The following HOXC11 variants were observed in gnomAD, a reference collection of about 807,000 sequenced individuals.
HOXC11 encodes homeobox C11, also known as homeobox protein Hox-C11.
In HOXC11, 17 loss-of-function variants were observed where a neutral mutation model predicts 23.6. That is an observed-to-expected ratio of 0.72 (90% CI 0.49 to 1.08). The LOEUF (loss-of-function observed/expected upper bound fraction) is 1.08, where lower values mean the gene tolerates loss of function less well. Among genes scored for constraint, HOXC11 ranks in the 50% least tolerant of loss-of-function variants. HOXC11 has a pLI of 0.00. For synonymous variants in HOXC11, 196 were observed against 183.8 expected (o/e 1.07, Z -0.54); for missense variants, 413 against 412.1 (o/e 1.00, Z -0.02).
At chr12:53,974,941 C>T in intron 1 of HOXC11, 1 of 525,204 alleles carries the variant, frequency 1.9e-6, no homozygotes, top group Middle Eastern at 5.0e-4. Context: ...AGCCGCGGCT[C>T]TCGCCTGAGA....
rs1024935682 is a variant in HOXC11 at position 53,973,939 on chromosome 12, CG to C, written c.682+20del. On this transcript the variant is annotated intron_variant, in intron 1 of 1. Coordinates refer to ENST00000546378, the MANE Select transcript of HOXC11 (RefSeq NM_014212.4). This position sits in a 1 kb window ranked among gnomAD's most constrained non-coding sequence, Gnocchi z 4.3. Reference sequence around the variant, plus strand: ...GCCGCCCCCAGTAGGTAGCAGCGGCCGGGGAACGGGCGGGCAGCGAGGGAGG... The same window carrying C: ...GCCGCCCCCAGTAGGTAGCAGCGGCCGGGAACGGGCGGGCAGCGAGGGAGG... 12 of 1,425,848 alleles carry C rather than the reference CG, an allele frequency of 8.4e-6. No individual in the cohort carries two copies. Among genetic ancestry groups the C allele is most frequent in the Middle Eastern group, 2.2e-4 (1 of 4,450 alleles). 88.3% of individuals were successfully genotyped at this position (1,425,848 alleles called of 1,614,324 possible).
At position 53,976,283 on chromosome 12, in the gene HOXC11, T is replaced by C. The variant is rs754446647; in HGVS notation, c.*870T>C. 1 of 224,026 alleles carries C rather than the reference T, an allele frequency of 4.5e-6. No individual in the cohort carries two copies. Among genetic ancestry groups the C allele is most frequent in the Non-Finnish European group, 8.9e-6 (1 of 111,946 alleles). The allele number at this position is 224,026 out of a possible 1,614,324, so 13.9% of individuals were successfully genotyped here. On this transcript the variant is annotated 3_prime_UTR_variant, in exon 2 of 2. Transcript: ENST00000546378. ...GAGGGAAAGGGGGGGACGCCCCCAG[T>C]GAGATTCAAATCACGCATCTCTACT...
At position 53,973,848 on chromosome 12, in the gene HOXC11, G is replaced by A; in HGVS notation, c.607G>A (p.Glu203Lys). The A allele has an allele frequency of 6.7e-7, 1 of 1,491,644 alleles. No homozygotes were observed. Among genetic ancestry groups the A allele is most frequent in the East Asian group, 2.4e-5 (1 of 40,894 alleles). 92.4% of individuals were successfully genotyped at this position (1,491,644 alleles called of 1,614,324 possible). ...AEAGAEAEAEEENTNPSSSGS... is the reference protein window; with the variant it reads ...AEAGAEAEAEKENTNPSSSGS... The stretch of plus-strand genomic sequence containing the variant: ...GGCGGGTGCCGAGGCGGAGGCTGAG[G>A]AGGAGAACACAAATCCCAGCTCGTC... The change falls in exon 1 of 2, where the codon GAG becomes AAG. Residue 203 changes from glutamate to lysine, a missense_variant. Coordinates refer to ENST00000546378, the MANE Select transcript of HOXC11 (RefSeq NM_014212.4). The surrounding 1 kb of genome is among the most constrained non-coding windows in gnomAD (Gnocchi z 4.3).
At position 53,973,731 on chromosome 12, in the gene HOXC11, G is replaced by C; in HGVS notation, c.490G>C (p.Asp164His). The C allele has an allele frequency of 1.2e-6, 2 of 1,612,146 alleles. No individual in the cohort carries two copies. Among genetic ancestry groups the C allele is most frequent in the Non-Finnish European group, 1.7e-6 (2 of 1,179,658 alleles). Reference sequence around the variant, plus strand: ...CGACAACGCCTACTGCGGTGGCGGCGACCCGCCCGCCGAGCCCCCCTGCTC... The same window carrying C: ...CGACAACGCCTACTGCGGTGGCGGCCACCCGCCCGCCGAGCCCCCCTGCTC... ...FFDNAYCGGG[D>H]PPAEPPCSGK... The change falls in exon 1 of 2, where the codon GAC (aspartate) becomes CAC (histidine). Residue 164 changes from aspartate (D) to histidine (H), a missense_variant. Asp to His is a moderately conservative substitution (Grantham distance 81). Coordinates refer to ENST00000546378, the MANE Select transcript of HOXC11 (RefSeq NM_014212.4). The surrounding 1 kb of genome is among the most constrained non-coding windows in gnomAD (Gnocchi z 4.3).
rs758140548 is a variant in HOXC11, at chr12:53,973,592, C to G, written c.351C>G (p.Asn117Lys). Residue 117 changes from asparagine (N) to lysine (K), a missense_variant, in exon 1 of 2, where the codon AAC (asparagine) becomes AAG (lysine). Coordinates refer to ENST00000546378, the MANE Select transcript of HOXC11 (RefSeq NM_014212.4). This position sits in a 1 kb window ranked among gnomAD's most constrained non-coding sequence, Gnocchi z 4.3. Reference sequence around the variant, plus strand: ...CCGTCACCGAGATCCTCATGAAAAACGAAGGCTCCTACGGCGGCCACCACC... The same window carrying G: ...CCGTCACCGAGATCCTCATGAAAAAGGAAGGCTCCTACGGCGGCCACCACC... ...PSTVTEILMK[N>K]EGSYGGHHHP... 1 of 1,613,610 alleles carries G rather than the reference C, an allele frequency of 6.2e-7. No individual in the cohort carries two copies. The highest frequency in any genetic ancestry group is 8.5e-7 in the Non-Finnish European group (1 of 1,180,012).
chr12:53,976,473 A>G lies in HOXC11; in HGVS notation c.*1060A>G, dbSNP rs771883227. 1.1e-5 allele frequency: 2 copies of G among 177,858 alleles called. No individual in the cohort carries two copies. Among genetic ancestry groups the G allele is most frequent in the East Asian group, 1.9e-4 (2 of 10,570 alleles). 11.0% of individuals were successfully genotyped at this position (177,858 alleles called of 1,614,324 possible). On this transcript the variant is annotated 3_prime_UTR_variant, in exon 2 of 2. Transcript: ENST00000546378. ...AACCCCTCTCCTCTTAAAATCCTCC[A>G]TGCTCCCATGGCAGCGGCGGAGGAG... is the stretch of plus-strand genomic sequence containing the variant.
rs1939280361 is a variant in HOXC11 at position 53,977,326 on chromosome 12, AT to A, written c.*1915del. The A allele has an allele frequency of 6.6e-6, 1 of 152,238 alleles. No homozygotes were observed. The highest frequency in any genetic ancestry group is 6.5e-5 in the Admixed American group (1 of 15,290). The allele number at this position is 152,238 out of a possible 1,614,324, so 9.4% of individuals were successfully genotyped here. On this transcript the variant is annotated 3_prime_UTR_variant, in exon 2 of 2. Coordinates refer to ENST00000546378, the MANE Select transcript of HOXC11 (RefSeq NM_014212.4). The stretch of plus-strand genomic sequence containing the variant: ...TCCCTCCTCTTTCTGTCTTTGTATA[AT>A]TCAAAGAAAATATTTTTGTCAATAC...
chr12:53,973,773 A>G lies in HOXC11; in HGVS notation c.532A>G (p.Lys178Glu), dbSNP rs775409729. The G allele has an allele frequency of 6.2e-7, 1 of 1,609,458 alleles. No individual in the cohort carries two copies. Among genetic ancestry groups the G allele is most frequent in the South Asian group, 1.1e-5 (1 of 90,880 alleles). ...EPPCSGKGEAKGEPEAPPASG... is the reference protein window; with the variant it reads ...EPPCSGKGEAEGEPEAPPASG... The stretch of plus-strand genomic sequence containing the variant: ...CCCCTGCTCCGGCAAGGGCGAGGCC[A>G]AGGGGGAGCCCGAGGCACCCCCGGC... The change falls in exon 1 of 2, where the codon AAG (lysine) becomes GAG (glutamate). Residue 178 changes from lysine to glutamate, a missense_variant. Coordinates refer to ENST00000546378, the MANE Select transcript of HOXC11 (RefSeq NM_014212.4). The surrounding 1 kb of genome is among the most constrained non-coding windows in gnomAD (Gnocchi z 4.3).
intron 1 of HOXC11, 93 bp downstream of exon 1, chr12:53,974,016 G>T (rs1432949257): frequency 2.6e-6 from 3 of 1,138,348 alleles, no homozygotes; most frequent in South Asian, 3.4e-5. Context: ...GAGCGGGGAC[G>T]GCCTCGTGTT....
chr12:53,973,697 C>G lies in HOXC11; in HGVS notation c.456C>G (p.Asp152Glu), dbSNP rs574460509. ...NKNSVLPQAFDRFFDNAYCGG... is the reference protein window; with the variant it reads ...NKNSVLPQAFERFFDNAYCGG... ...ACAGCGTCCTGCCTCAAGCCTTCGA[C>G]CGTTTCTTCGACAACGCCTACTGCG... Residue 152 changes from aspartate to glutamate, a missense_variant, in exon 1 of 2, where the codon GAC becomes GAG. By Grantham distance (45) the Asp-to-Glu change is conservative. Coordinates refer to ENST00000546378, the MANE Select transcript of HOXC11 (RefSeq NM_014212.4). The surrounding 1 kb of genome is among the most constrained non-coding windows in gnomAD (Gnocchi z 4.3). The G allele has an allele frequency of 1.2e-6, 2 of 1,613,688 alleles. No homozygotes were observed. The highest frequency in any genetic ancestry group is 1.7e-6 in the Non-Finnish European group (2 of 1,180,032).
At chr12:53,974,856 G>A (rs1433253170) in intron 1 of HOXC11, 4 of 266,300 alleles carry the variant, frequency 1.5e-5, no homozygotes, top group African/African-American at 9.0e-5. Flanking sequence ...GCCCGAGGGC[G>A]GAGGGGGAGC....
chr12:53,977,256 A>G lies in HOXC11; in HGVS notation c.*1843A>G, dbSNP rs1441569448. On this transcript the variant is annotated 3_prime_UTR_variant, in exon 2 of 2. Coordinates refer to ENST00000546378, the MANE Select transcript of HOXC11 (RefSeq NM_014212.4). ...GGCACTTCGTTGGTCTCTGTTTCAA[A>G]TTCGTTATTTGGGGGCAGAGGTTCA... 1 of 152,212 alleles carries G rather than the reference A, an allele frequency of 6.6e-6. No homozygotes were observed. Among genetic ancestry groups the G allele is most frequent in the Non-Finnish European group, 1.5e-5 (1 of 68,022 alleles). 9.4% of individuals were successfully genotyped at this position (152,212 alleles called of 1,614,324 possible).
Position 53,975,627 on chromosome 12 carries a change from G to T in HOXC11, c.*214G>T. 1.6e-6 allele frequency: 1 copy of T among 631,602 alleles called. No homozygotes were observed. The highest frequency in any genetic ancestry group is 2.8e-6 in the Non-Finnish European group (1 of 354,970). 39.1% of individuals were successfully genotyped at this position (631,602 alleles called of 1,614,324 possible). ...GGACAGGGACCGGGCCTGGAAAGGG[G>T]GTGAAGGGAAGTGTCTGATGCACGG... On this transcript the variant is annotated 3_prime_UTR_variant, in exon 2 of 2. Transcript: ENST00000546378.
In HOXC11 at chr12:53,973,635, G is replaced by T; in HGVS notation, c.394G>T (p.Ala132Ser). 1 of 1,613,196 alleles carries T rather than the reference G, an allele frequency of 6.2e-7. No individual in the cohort carries two copies. The highest frequency in any genetic ancestry group is 8.5e-7 in the Non-Finnish European group (1 of 1,179,956). Residue 132 changes from alanine (A) to serine (S), a missense_variant, in exon 1 of 2, where the codon GCA (alanine) becomes TCA (serine). Physicochemically the swap from Ala to Ser is moderately conservative, Grantham distance 99. Transcript: ENST00000546378. The surrounding 1 kb of genome is among the most constrained non-coding windows in gnomAD (Gnocchi z 4.3). Reference protein sequence around the residue: ...GGHHHPSAPHATPAGFYSSVN... With the variant: ...GGHHHPSAPHSTPAGFYSSVN... ...CCACCACCACCCCAGCGCCCCGCACGCAACCCCCGCCGGCTTCTACTCCTC... is the reference window on the plus strand; with the variant it reads ...CCACCACCACCCCAGCGCCCCGCACTCAACCCCCGCCGGCTTCTACTCCTC...
rs1395388476 is a variant in HOXC11 at position 53,975,535 on chromosome 12, G to GC, written c.*127dup. 13 of 771,664 alleles carry GC rather than the reference G, an allele frequency of 1.7e-5. No individual in the cohort carries two copies. The highest frequency in any genetic ancestry group is 4.1e-5 in the Admixed American group (2 of 48,756). The allele number at this position is 771,664 out of a possible 1,614,324, so 47.8% of individuals were successfully genotyped here. A position where few individuals can be genotyped will look rare whatever the true frequency, so the allele number is the denominator to read the frequency against. ...GAAAACTGGACTGTGGCCAGGGCTGGCCCCCACCGCTGTGGCCGGCACTCC... is the reference window on the plus strand; with the variant it reads ...GAAAACTGGACTGTGGCCAGGGCTGGCCCCCCACCGCTGTGGCCGGCACTCC... On this transcript the variant is annotated 3_prime_UTR_variant, in exon 2 of 2. Coordinates refer to ENST00000546378, the MANE Select transcript of HOXC11 (RefSeq NM_014212.4).
chr12:53,977,469 C>T lies in HOXC11; in HGVS notation c.*2056C>T, dbSNP rs868650103. The stretch of plus-strand genomic sequence containing the variant: ...AAATTTCTAATTTGTAAACGTGGGT[C>T]GGGTCGTGAGACAAGATTTGCAAAC... On this transcript the variant is annotated 3_prime_UTR_variant, in exon 2 of 2. Coordinates refer to ENST00000546378, the MANE Select transcript of HOXC11 (RefSeq NM_014212.4). 3 of 152,292 alleles carry T rather than the reference C, an allele frequency of 2.0e-5. No individual in the cohort carries two copies. Among genetic ancestry groups the T allele is most frequent in the Non-Finnish European group, 4.4e-5 (3 of 68,028 alleles). 9.4% of individuals were successfully genotyped at this position (152,292 alleles called of 1,614,324 possible). A position where few individuals can be genotyped will look rare whatever the true frequency, so the allele number is the denominator to read the frequency against.
Position 53,975,175 on chromosome 12 carries a change from C to T in HOXC11, c.683-6C>T, listed in dbSNP as rs1939234012. 1.3e-6 allele frequency: 2 copies of T among 1,583,908 alleles called. No homozygotes were observed. Among genetic ancestry groups the T allele is most frequent in the Non-Finnish European group, 1.7e-6 (2 of 1,158,620 alleles). ...TCCTCGCACTTGCCCCCTCCCCTCC[C>T]TCCAGACGCCCCCCGCACCCGCAAG... On this transcript the variant is annotated splice_region_variant and splice_polypyrimidine_tract_variant and intron_variant, in intron 1 of 1. Transcript: ENST00000546378.
chr12:53,975,123 G>A, intron 1 of HOXC11, 58 bp from the exon 2 acceptor site: 1 of 789,702 alleles, frequency 1.3e-6, no homozygotes, highest in Non-Finnish European at 2.1e-6. Context: ...GGGGTCGCCC[G>A]GGTCTCACGT....
Position 53,976,126 on chromosome 12 carries a change from TC to T in HOXC11, c.*714del. ...AGCTATAGTCTATGCAGTCGTTACCTCTTTTTTTTTTTTTTTTAAGAAAATT... is the reference window on the plus strand; with the variant it reads ...AGCTATAGTCTATGCAGTCGTTACCTTTTTTTTTTTTTTTTTAAGAAAATT... On this transcript the variant is annotated 3_prime_UTR_variant, in exon 2 of 2. Transcript: ENST00000546378. The T allele has an allele frequency of 5.0e-6, 1 of 198,962 alleles. No homozygotes were observed. Among genetic ancestry groups the T allele is most frequent in the South Asian group, 2.1e-4 (1 of 4,726 alleles). The allele number at this position is 198,962 out of a possible 1,614,324, so 12.3% of individuals were successfully genotyped here.
Sources: allele counts gnomAD v4.1 joint callset, GRCh38; gene constraint gnomAD v4.1.1; non-coding constraint Gnocchi (gnomAD v3.1); transcripts MANE v1.5; gene names NCBI Gene and HGNC (gene_info 2026-07-23, HGNC 2026-07-21).